SLC17A5: variants seen among roughly 807,000 people sequenced by gnomAD.
SLC17A5 encodes the protein solute carrier family 17 member 5.
Under a neutral mutation model 59.4 loss-of-function variants are expected in SLC17A5, and 47 were observed. That is an observed-to-expected ratio of 0.79 (90% CI 0.63 to 1.01). SLC17A5 has a LOEUF of 1.01. Ranked by LOEUF, SLC17A5 falls within the 50% of genes least tolerant of loss-of-function variation. SLC17A5 has a pLI of 0.00. For missense variants in SLC17A5, 522 were observed against 595.5 expected (o/e 0.88, Z 1.28); for synonymous variants, 202 against 210.7 (o/e 0.96, Z 0.36).
At chr6:73,606,107 A>G (rs1055425952) in intron 9 of SLC17A5, among the ~76,000 whole-genome samples, 6 of 151,972 alleles carry the variant, frequency 3.9e-5, no homozygotes, top group African/African-American at 1.4e-4. Context: ...CAGTAGCACA[A>G]TCTCTGCTCA....
intron 3 of SLC17A5, 63 bp from the exon 4 acceptor site, chr6:73,638,562 T>A: frequency 7.9e-7 from 1 of 1,258,746 alleles, no homozygotes; most frequent in Non-Finnish European, 1.2e-6. Flanking sequence ...TGCTTTAAAG[T>A]AAGTTAAGTA....
In SLC17A5 at chr6:73,621,770, T is replaced by C. The variant is rs184734124; in HGVS notation, c.978+34A>G. 9 of 1,479,792 alleles carry C rather than the reference T, an allele frequency of 6.1e-6. No homozygotes were observed. In the Admixed American group the frequency reaches 1.6e-4, roughly 26 times the overall value. 91.7% of individuals were successfully genotyped at this position (1,479,792 alleles called of 1,614,324 possible). Reference sequence around the variant, plus strand: ...AAATTCTGTGTATGGTCTTATACTATATATATAAGAAGCAGATGATTATTT... The same window carrying C: ...AAATTCTGTGTATGGTCTTATACTACATATATAAGAAGCAGATGATTATTT... On this transcript the variant is annotated intron_variant, in intron 7 of 10. Coordinates refer to ENST00000355773, the MANE Select transcript of SLC17A5 (RefSeq NM_012434.5).
chr6:73,644,436 C>T lies in SLC17A5; in HGVS notation c.262G>A (p.Ala88Thr), dbSNP rs960365160. The T allele has an allele frequency of 6.2e-7, 1 of 1,613,728 alleles. No homozygotes were observed. The highest frequency in any genetic ancestry group is 1.3e-5 in the African/African-American group (1 of 74,870). Reference sequence around the variant, plus strand: ...TGATTATGATGAACTTTTATGGGAGCAGAATGCTCTGGACACGCCTTGGAA... The same window carrying T: ...TGATTATGATGAACTTTTATGGGAGTAGAATGCTCTGGACACGCCTTGGAA... ...RTSKACPEHS[A>T]PIKVHHNQTG... Residue 88 changes from alanine to threonine, a missense_variant, in exon 2 of 11, where the codon GCT becomes ACT. Coordinates refer to ENST00000355773, the MANE Select transcript of SLC17A5 (RefSeq NM_012434.5).
chr6:73,645,382 C>G, intron 1 of SLC17A5: 1 of 985,346 alleles, frequency 1.0e-6, no homozygotes, highest in Non-Finnish European at 1.2e-6. Context: ...AATCTAGAAG[C>G]AAACTTGCAG....
intron 1 of SLC17A5, chr6:73,645,444 T>C (rs1025732934): frequency 1.1e-5 from 11 of 984,998 alleles, no homozygotes; most frequent in Non-Finnish European, 1.3e-5. Context: ...TTATCAAGCG[T>C]AAAGGGCTCA....
chr6:73,653,705 G>C lies in SLC17A5; in HGVS notation c.94+88C>G. The stretch of plus-strand genomic sequence containing the variant: ...GCAGCTCCGGTCCCGCCGGCGCAGG[G>C]TGCGGGTACCCGGGCCATGCCGGCC... On this transcript the variant is annotated intron_variant, in intron 1 of 10. Transcript: ENST00000355773. 8.2e-6 allele frequency: 11 copies of C among 1,335,768 alleles called. No individual in the cohort carries two copies. The African/African-American group carries it at 8.8e-5, about 11-fold the overall frequency. 82.7% of individuals were successfully genotyped at this position (1,335,768 alleles called of 1,614,324 possible).
At chr6:73,599,648 T>C (rs1355588959) in intron 10 of SLC17A5, among the ~76,000 whole-genome samples, 2 of 152,234 alleles carry the variant, frequency 1.3e-5, no homozygotes, top group Non-Finnish European at 2.9e-5. Flanking sequence ...ACAACATTCC[T>C]TTTTATTAAG....
At chr6:73,600,248 A>G in intron 10 of SLC17A5, 103 bp downstream of exon 10, 2 of 907,236 alleles carry the variant, frequency 2.2e-6, no homozygotes, top group South Asian at 2.9e-5. Flanking sequence ...AAAGAATTTC[A>G]TAAGAACATT....
At chr6:73,619,950 G>A (rs1768062551) in intron 7 of SLC17A5, among the ~76,000 whole-genome samples, 1 of 139,746 alleles carries the variant, frequency 7.2e-6, no homozygotes, top group East Asian at 2.0e-4. Flanking sequence ...TTGAGATGGA[G>A]TCTTGCTCTG....
chr6:73,613,371 A>ATT (rs34499416), intron 8 of SLC17A5, among the ~76,000 whole-genome samples: 99 of 149,306 alleles, frequency 6.6e-4, no homozygotes, highest in African/African-American at 2.0e-3. Context: ...TCTTTTATAA[A>ATT]TTTTTTTTTT....
chr6:73,635,007 AT>A (rs1768927681), intron 6 of SLC17A5, among the ~76,000 whole-genome samples: 1 of 151,036 alleles, frequency 6.6e-6, no homozygotes, highest in Non-Finnish European at 1.5e-5. Flanking sequence ...AATATTTTTT[AT>A]AGTTTATAAA....
chr6:73,633,707 C>T (rs970374097), intron 6 of SLC17A5, among the ~76,000 whole-genome samples: 4 of 151,662 alleles, frequency 2.6e-5, no homozygotes, highest in Non-Finnish European at 4.4e-5. Flanking sequence ...GGTGAAATCC[C>T]GTCTCTACTA....
chr6:73,640,245 C>T (rs1167748274), intron 3 of SLC17A5, among the ~76,000 whole-genome samples: 1 of 152,126 alleles, frequency 6.6e-6, no homozygotes, highest in Non-Finnish European at 1.5e-5. Context: ...TCAAGAAGAA[C>T]AGGAACCTGG....
At chr6:73,604,580 C>G (rs1171142177) in intron 9 of SLC17A5, among the ~76,000 whole-genome samples, 1 of 151,874 alleles carries the variant, frequency 6.6e-6, no homozygotes, top group African/African-American at 2.4e-5. Flanking sequence ...CCTCTCTCTA[C>G]AAAAACTAAA....
chr6:73,627,267 G>T (rs558500253), intron 6 of SLC17A5, among the ~76,000 whole-genome samples: 89 of 152,096 alleles, frequency 5.9e-4, no homozygotes, highest in African/African-American at 2.1e-3. Context: ...AGTAGAGATG[G>T]GATTTCACCA....
intron 6 of SLC17A5, among the ~76,000 whole-genome samples, chr6:73,627,336 A>C (rs1768474336): frequency 6.6e-6 from 1 of 152,102 alleles, no homozygotes. Context: ...CAGCCTCCCA[A>C]AGTACTGGGA....
intron 9 of SLC17A5, among the ~76,000 whole-genome samples, chr6:73,609,301 T>C (rs1010574532): frequency 2.6e-5 from 4 of 152,182 alleles, no homozygotes; most frequent in Non-Finnish European, 2.9e-5. Context: ...GTAGAAAGAA[T>C]TTTGGGCTTA....
Position 73,616,770 on chromosome 6 carries a change from G to A in SLC17A5, c.979-1323C>T, listed in dbSNP as rs138480025. Among the ~76,000 whole-genome samples the A allele has an allele frequency of 3.5e-3, 526 of 152,040 alleles. 1 individual carries two copies. The highest frequency in any genetic ancestry group is 0.012 in the African/African-American group (507 of 41,496). On this transcript the variant is annotated intron_variant, in intron 7 of 10. Transcript: ENST00000355773. ...ATTGCAGGCGTGTGTCACCACGCCC[G>A]GCTAATTTGTATTTTTAGTAGAGAC...
intron 6 of SLC17A5, among the ~76,000 whole-genome samples, chr6:73,623,666 ATT>A (rs1768264026): frequency 1.1e-4 from 2 of 18,318 alleles, no homozygotes; most frequent in Admixed American, 5.2e-4. Flanking sequence ...TTTTATTTTT[ATT>A]TATTTATTTA....
Sources: gnomAD v4.1 joint callset for allele counts (sites outside exome capture counted in the v4.1 genomes callset) on GRCh38, gnomAD v4.1.1 for gene constraint, MANE v1.5 for transcripts, NCBI Gene and HGNC (gene_info 2026-07-23, HGNC 2026-07-21) for gene names.